Variants in CRISPLD2 observed in about 807,000 individuals in gnomAD.
CRISPLD2 encodes the protein cysteine-rich secretory protein LCCL domain-containing 2.
Under a neutral mutation model 71.1 loss-of-function variants are expected in CRISPLD2, and 47 were observed. The observed-to-expected ratio is 0.66, with a 90% CI of 0.52 to 0.84. The LOEUF (loss-of-function observed/expected upper bound fraction) is 0.84, where lower values mean the gene tolerates loss of function less well. CRISPLD2 is among the 40% of genes least tolerant of loss of function. The probability of loss-of-function intolerance (pLI) is 0.00; values close to 1 mark genes in which losing one functional copy is unlikely to be tolerated. For missense variants in CRISPLD2, 830 were observed against 651.1 expected (o/e 1.27, Z -2.99); for synonymous variants, 317 against 250.1 (o/e 1.27, Z -2.52).
At chr16:84,878,237 A>AT (rs1370629326) in intron 12 of CRISPLD2, among the ~76,000 whole-genome samples, 9 of 152,124 alleles carry the variant, frequency 5.9e-5, no homozygotes, top group Non-Finnish European at 1.3e-4. Context: ...AAAAGAAAAA[A>AT]GTACACAATG....
At chr16:84,897,175 G>A (rs1428563972) in intron 14 of CRISPLD2, among the ~76,000 whole-genome samples, 6 of 152,160 alleles carry the variant, frequency 3.9e-5, no homozygotes, top group South Asian at 2.1e-4. Context: ...CGGGTGCGGC[G>A]GCTCATGCCT....
At chr16:84,826,106 A>C (rs936839947) in intron 1 of CRISPLD2, among the ~76,000 whole-genome samples, 14 of 152,218 alleles carry the variant, frequency 9.2e-5, no homozygotes, top group African/African-American at 2.9e-4. Flanking sequence ...TAGAAAGCTA[A>C]AGAAGGCTTG....
rs183450824 is a variant in CRISPLD2, at chr16:84,876,587, G to A, written c.1157-851G>A. 4.7e-4 allele frequency among the ~76,000 whole-genome samples: 72 copies of A among 152,162 alleles called. 1 individual carries two copies. The highest frequency in any genetic ancestry group is 3.3e-4 in the Admixed American group (5 of 15,282). On this transcript the variant is annotated intron_variant, in intron 11 of 14. Coordinates refer to ENST00000262424, the MANE Select transcript of CRISPLD2 (RefSeq NM_031476.4). Reference sequence around the variant, plus strand: ...GCAGGTGGATTACCTGAGGTCAGGAGTTCGAGACAAGCCTGGCCAACATGG... The same window carrying A: ...GCAGGTGGATTACCTGAGGTCAGGAATTCGAGACAAGCCTGGCCAACATGG...
intron 14 of CRISPLD2, among the ~76,000 whole-genome samples, 164 bp downstream of exon 14, chr16:84,889,527 C>G (rs1040102096): frequency 1.3e-5 from 2 of 151,432 alleles, no homozygotes; most frequent in African/African-American, 2.4e-5. Context: ...TTGCTTTTCT[C>G]TTTCTTTTGT....
At chr16:84,841,186 G>C (rs529519842) in intron 2 of CRISPLD2, among the ~76,000 whole-genome samples, 2 of 152,208 alleles carry the variant, frequency 1.3e-5, no homozygotes, top group Admixed American at 1.3e-4. Context: ...CTGACTGAGA[G>C]GGAGGAGTAA....
chr16:84,879,043 C>T (rs892955899), intron 12 of CRISPLD2, among the ~76,000 whole-genome samples: 4 of 152,142 alleles, frequency 2.6e-5, no homozygotes, highest in Admixed American at 6.5e-5. Context: ...CCCAAGGTTC[C>T]GAGCAGGGAA....
chr16:84,843,942 G>A (rs1597453471), intron 2 of CRISPLD2, among the ~76,000 whole-genome samples: 1 of 152,356 alleles, frequency 6.6e-6, no homozygotes, highest in South Asian at 2.1e-4. Flanking sequence ...ATGCGGTTGT[G>A]TTGGGCAGGT....
In CRISPLD2 at chr16:84,849,366, AGC is replaced by A. The variant is rs750132587; in HGVS notation, c.360-17_360-16del. 2.5e-6 allele frequency: 4 copies of A among 1,607,030 alleles called. No homozygotes were observed. The highest frequency in any genetic ancestry group is 2.6e-6 in the Non-Finnish European group (3 of 1,174,642). ...TGAGGGGAGGGGCTGGGACTGAGTGAGCGGTTTCTGCCCTGCAGGTATCGCTC... is the reference window on the plus strand; with the variant it reads ...TGAGGGGAGGGGCTGGGACTGAGTGAGGTTTCTGCCCTGCAGGTATCGCTC... On this transcript the variant is annotated splice_polypyrimidine_tract_variant and intron_variant, in intron 3 of 14. Transcript: ENST00000262424.
At chr16:84,831,143 A>T (rs903105728) in intron 1 of CRISPLD2, among the ~76,000 whole-genome samples, 1 of 152,132 alleles carries the variant, frequency 6.6e-6, no homozygotes, top group Non-Finnish European at 1.5e-5. Context: ...GGGCCTGTCA[A>T]CTCAGCTGAG....
chr16:84,891,490 A>C (rs1300664854), intron 14 of CRISPLD2, among the ~76,000 whole-genome samples: 1 of 152,170 alleles, frequency 6.6e-6, no homozygotes, highest in Non-Finnish European at 1.5e-5. Context: ...GCGGCCTTTG[A>C]TTGGGAAAAG....
intron 13 of CRISPLD2, among the ~76,000 whole-genome samples, chr16:84,883,842 A>ATTTT (rs11371326): frequency 7.5e-6 from 1 of 133,114 alleles, no homozygotes; most frequent in African/African-American, 2.8e-5. Context: ...GTCTTATTTA[A>ATTTT]TTTTTTTTTT....
chr16:84,845,873 A>G lies in CRISPLD2; in HGVS notation c.328A>G (p.Ile110Val), dbSNP rs1047946196. The G allele has an allele frequency of 1.9e-6, 3 of 1,613,742 alleles. No homozygotes were observed. The highest frequency in any genetic ancestry group is 2.2e-5 in the East Asian group (1 of 44,892). ...EHGPTSLLVS[I>V]GQNLGAHWGR... is the part of the protein sequence containing the mutation. ...CGGGCCCACCAGTCTGCTGGTGTCCATCGGGCAGAACCTGGGCGCTCACTG... is the reference window on the plus strand; with the variant it reads ...CGGGCCCACCAGTCTGCTGGTGTCCGTCGGGCAGAACCTGGGCGCTCACTG... The change falls in exon 3 of 15, where the codon ATC (isoleucine) becomes GTC (valine). Residue 110 changes from isoleucine (I) to valine (V), a missense_variant. By Grantham distance (29) the Ile-to-Val change is conservative (BLOSUM62 3). Coordinates refer to ENST00000262424, the MANE Select transcript of CRISPLD2 (RefSeq NM_031476.4).
At chr16:84,830,352 A>G (rs1004623313) in intron 1 of CRISPLD2, among the ~76,000 whole-genome samples, 3 of 152,186 alleles carry the variant, frequency 2.0e-5, no homozygotes, top group African/African-American at 7.2e-5. Flanking sequence ...TCAGTAAAAA[A>G]TGGATTGCGA....
chr16:84,867,960 C>T (rs1055287536), intron 7 of CRISPLD2, among the ~76,000 whole-genome samples: 2 of 152,236 alleles, frequency 1.3e-5, no homozygotes, highest in South Asian at 2.1e-4. Context: ...GCCGTTTCTG[C>T]AGGCCGGGGG....
At chr16:84,891,259 G>A (rs2071659904) in intron 14 of CRISPLD2, among the ~76,000 whole-genome samples, 1 of 152,210 alleles carries the variant, frequency 6.6e-6, no homozygotes, top group Non-Finnish European at 1.5e-5. Flanking sequence ...CTGGGCCCCT[G>A]GACGCTCAGG....
At chr16:84,859,455 C>T (rs1917325939) in intron 6 of CRISPLD2, among the ~76,000 whole-genome samples, 1 of 152,174 alleles carries the variant, frequency 6.6e-6, no homozygotes, top group African/African-American at 2.4e-5. Context: ...GGCCAGAGGT[C>T]TCCCCGGGGA....
intron 6 of CRISPLD2, 71 bp downstream of exon 6, chr16:84,854,900 G>C: frequency 8.4e-7 from 1 of 1,187,182 alleles, no homozygotes; most frequent in Non-Finnish European, 1.3e-6. Flanking sequence ...AGCGTTACAT[G>C]AAACAGGGGA....
intron 1 of CRISPLD2, among the ~76,000 whole-genome samples, chr16:84,832,672 G>A (rs772757269): frequency 1.3e-5 from 2 of 152,258 alleles, no homozygotes; most frequent in Non-Finnish European, 2.9e-5. Flanking sequence ...GCATGTCGGG[G>A]TCATGGGATG....
chr16:84,861,201 G>C (rs1917370168), intron 6 of CRISPLD2, among the ~76,000 whole-genome samples: 1 of 152,066 alleles, frequency 6.6e-6, no homozygotes, highest in South Asian at 2.1e-4. Flanking sequence ...ATATTAAGCA[G>C]CCAACTCCAG....
Sources: allele counts gnomAD v4.1 joint callset (sites outside exome capture counted in the v4.1 genomes callset), GRCh38; gene constraint gnomAD v4.1.1; transcripts MANE v1.5; gene names NCBI Gene and HGNC (gene_info 2026-07-23, HGNC 2026-07-21).